The following MORC3 variants were observed in gnomAD, a reference collection of about 807,000 sequenced individuals.
MORC3 encodes MORC family CW-type zinc finger protein 3.
In MORC3, 31 loss-of-function variants were observed where a neutral mutation model predicts 109.1. That is an observed-to-expected ratio of 0.28 (90% CI 0.21 to 0.38). The LOEUF is 0.38. MORC3 is among the 10% of genes least tolerant of loss of function. The probability of loss-of-function intolerance (pLI) is 1.00; values close to 1 mark genes in which losing one functional copy is unlikely to be tolerated. For missense variants in MORC3, 867 were observed against 1,135.8 expected (o/e 0.76, Z 3.40); for synonymous variants, 395 against 380.7 (o/e 1.04, Z -0.44).
intron 1 of MORC3, among the ~76,000 whole-genome samples, chr21:36,331,615 A>ACAAG (rs1453679252): frequency 6.7e-6 from 1 of 149,808 alleles, no homozygotes; most frequent in Non-Finnish European, 1.5e-5. Flanking sequence ...AAAACAAAAA[A>ACAAG]CAAACAAAAA....
chr21:36,330,261 T>C (rs1569088701), intron 1 of MORC3, among the ~76,000 whole-genome samples: 1 of 152,136 alleles, frequency 6.6e-6, no homozygotes, highest in Non-Finnish European at 1.5e-5. Flanking sequence ...TAAGAAAACA[T>C]TTTACAGCCT....
intron 5 of MORC3, among the ~76,000 whole-genome samples, chr21:36,339,895 G>T (rs1186318213): frequency 6.6e-6 from 1 of 152,092 alleles, no homozygotes; most frequent in Non-Finnish European, 1.5e-5. Context: ...TACTTTCTGA[G>T]GTAATTGTAG....
intron 1 of MORC3, among the ~76,000 whole-genome samples, chr21:36,327,004 C>CG (rs2146286454): frequency 6.6e-6 from 1 of 151,392 alleles, no homozygotes; most frequent in East Asian, 2.0e-4. Flanking sequence ...TTAGTAGAGA[C>CG]GGGTTTTGCC....
chr21:36,352,277 T>C (rs547328498), intron 9 of MORC3, among the ~76,000 whole-genome samples: 2 of 152,062 alleles, frequency 1.3e-5, no homozygotes, highest in South Asian at 2.1e-4. Context: ...CACGGCAAGC[T>C]ACATTACTAA....
At chr21:36,323,879 G>GTTT (rs533635032) in intron 1 of MORC3, among the ~76,000 whole-genome samples, 1 of 143,952 alleles carries the variant, frequency 6.9e-6, no homozygotes. Context: ...TTACCATAGT[G>GTTT]TTTTTTTTTT....
Position 36,333,663 on chromosome 21 carries a change from A to G in MORC3, c.57A>G (p.Leu19=). The G allele has an allele frequency of 6.2e-7, 1 of 1,613,260 alleles. No individual in the cohort carries two copies. Among genetic ancestry groups the G allele is most frequent in the South Asian group, 1.1e-5 (1 of 91,014 alleles). ...TGTTTCAGCTTTGCCCGAAGTTTTTACATACAAATTCTACTAGTCACACCT... is the reference window on the plus strand; with the variant it reads ...TGTTTCAGCTTTGCCCGAAGTTTTTGCATACAAATTCTACTAGTCACACCT... ...IRLSALCPKF[L]HTNSTSHTWP... The change falls in exon 2 of 17, where the codon TTA becomes TTG. Residue 19 remains leucine (L), a synonymous_variant. Transcript: ENST00000400485.
intron 9 of MORC3, 35 bp from the exon 10 acceptor site, chr21:36,356,583 AAG>A: frequency 1.5e-6 from 2 of 1,318,682 alleles, no homozygotes; most frequent in Non-Finnish European, 2.1e-6. Flanking sequence ...TATGTTTGAA[AAG>A]AATTTTTTCT....
At chr21:36,367,700 G>C (rs547005988) in intron 14 of MORC3, among the ~76,000 whole-genome samples, 116 of 152,274 alleles carry the variant, frequency 7.6e-4, no homozygotes, top group Admixed American at 1.7e-3. Context: ...ATGTCTGGAA[G>C]GAGAGCCACT....
rs570268175 is a variant in MORC3, at chr21:36,352,237, A to G, written c.1103+2829A>G. ...GAACACCTACAAAAACTGTGAATCA[A>G]AGGGCATAATAACAGAGTATTTACA... On this transcript the variant is annotated intron_variant, in intron 9 of 16. Coordinates refer to ENST00000400485, the MANE Select transcript of MORC3 (RefSeq NM_015358.3). Among the ~76,000 whole-genome samples, 20 of 152,300 alleles carry G rather than the reference A, an allele frequency of 1.3e-4. No homozygotes were observed. In the South Asian group the frequency reaches 3.9e-3, roughly 30 times the overall value.
At chr21:36,345,549 G>A (rs144559950) in intron 8 of MORC3, among the ~76,000 whole-genome samples, 3,439 of 151,960 alleles carry the variant, frequency 0.023, 59 homozygotes, top group Admixed American at 0.045. Flanking sequence ...AGCCTTCCAA[G>A]TAGCTGGGAC....
At chr21:36,338,050 C>T (rs2085393602) in intron 4 of MORC3, 104 bp downstream of exon 4, 2 of 1,151,732 alleles carry the variant, frequency 1.7e-6, no homozygotes, top group East Asian at 2.4e-5. Context: ...TTGAATAACA[C>T]CTATTCCATT....
At chr21:36,348,171 T>C (rs1481667104) in intron 8 of MORC3, 1 of 152,240 alleles carries the variant, frequency 6.6e-6, no homozygotes, top group Non-Finnish European at 1.5e-5. Flanking sequence ...TACTTTGAGT[T>C]CAACATTTTA....
chr21:36,324,624 A>G (rs2085229258), intron 1 of MORC3, among the ~76,000 whole-genome samples: 2 of 139,962 alleles, frequency 1.4e-5, no homozygotes, highest in South Asian at 2.3e-4. Flanking sequence ...CATTATCTCT[A>G]TTTTCTTCAT....
intron 5 of MORC3, among the ~76,000 whole-genome samples, chr21:36,340,295 C>T (rs1412127426): frequency 7.1e-6 from 1 of 140,570 alleles, no homozygotes; most frequent in South Asian, 2.6e-4. Flanking sequence ...AAAAAAAAAA[C>T]TATAGTACAG....
At chr21:36,346,980 T>C in intron 8 of MORC3, among the ~76,000 whole-genome samples, 1 of 144,816 alleles carries the variant, frequency 6.9e-6, no homozygotes, top group Non-Finnish European at 1.5e-5. Flanking sequence ...TACTCCAGCC[T>C]GGGCAACAGA....
chr21:36,336,217 C>T (rs1601515866), intron 2 of MORC3, among the ~76,000 whole-genome samples: 1 of 150,048 alleles, frequency 6.7e-6, no homozygotes, highest in South Asian at 2.1e-4. Context: ...AGGCGTAAGT[C>T]ACCATGGTCA....
chr21:36,342,207 G>T (rs950598088), intron 6 of MORC3, among the ~76,000 whole-genome samples: 17 of 152,070 alleles, frequency 1.1e-4, no homozygotes, highest in Admixed American at 9.8e-4. Context: ...TTGTACCACT[G>T]CACTCCAGCC....
intron 9 of MORC3, among the ~76,000 whole-genome samples, chr21:36,353,355 C>CAA (rs35837458): frequency 0.012 from 653 of 55,464 alleles, 16 homozygotes; most frequent in African/African-American, 0.038. Flanking sequence ...GACTCTGTCT[C>CAA]AAAAAAAAAA....
At chr21:36,350,371 T>A (rs1187176108) in intron 9 of MORC3, among the ~76,000 whole-genome samples, 1 of 151,694 alleles carries the variant, frequency 6.6e-6, no homozygotes, top group East Asian at 1.9e-4. Context: ...AGGCGGAGGA[T>A]CGCTTGAGCC....
Sources: gnomAD v4.1 joint callset for allele counts (sites outside exome capture counted in the v4.1 genomes callset) on GRCh38, gnomAD v4.1.1 for gene constraint, MANE v1.5 for transcripts, NCBI Gene and HGNC (gene_info 2026-07-23, HGNC 2026-07-21) for gene names.